DCLK2: variants seen among roughly 807,000 people sequenced by gnomAD.
DCLK2 encodes the protein doublecortin like kinase 2, also known as serine/threonine-protein kinase DCLK2.
A neutral mutation model predicts 78.4 loss-of-function variants in DCLK2; 31 were observed. That is an observed-to-expected ratio of 0.40 (90% CI 0.30 to 0.53). DCLK2 has a LOEUF of 0.53. Among genes scored for constraint, DCLK2 ranks in the 20% least tolerant of loss-of-function variants. DCLK2 has a pLI of 0.61. For synonymous variants in DCLK2, 407 were observed against 374.9 expected, an observed-to-expected ratio of 1.09 and a Z score of -0.99; for missense variants, 872 against 973.7, an observed-to-expected ratio of 0.90 and a Z score of 1.39.
At chr4:150,231,516 A>G (rs1742059122) in intron 8 of DCLK2, among the ~76,000 whole-genome samples, 1 of 152,234 alleles carries the variant, frequency 6.6e-6, no homozygotes, top group South Asian at 2.1e-4. Flanking sequence ...AAATACATGT[A>G]CACATGTTGA....
chr4:150,088,757 T>C (rs1241180361), intron 1 of DCLK2, among the ~76,000 whole-genome samples: 2 of 152,184 alleles, frequency 1.3e-5, no homozygotes, highest in Non-Finnish European at 2.9e-5. Flanking sequence ...CAGGTTGCAG[T>C]CAAAATGCAG....
intron 2 of DCLK2, among the ~76,000 whole-genome samples, chr4:150,128,135 T>C (rs567891952): frequency 2.2e-4 from 33 of 152,280 alleles, no homozygotes; most frequent in Non-Finnish European, 4.0e-4. Context: ...TGGGGTATGC[T>C]ACTGGCATTA....
chr4:150,133,004 A>G (rs571774199), intron 2 of DCLK2, among the ~76,000 whole-genome samples: 1 of 152,332 alleles, frequency 6.6e-6, no homozygotes, highest in East Asian at 1.9e-4. Context: ...GTTAATGTAT[A>G]CTGATGATTG....
chr4:150,105,582 G>A (rs1731196421), intron 2 of DCLK2, among the ~76,000 whole-genome samples: 1 of 152,028 alleles, frequency 6.6e-6, no homozygotes. Flanking sequence ...TAACTATACA[G>A]ATGTTCTTAC....
intron 2 of DCLK2, among the ~76,000 whole-genome samples, chr4:150,138,485 T>G (rs1007492792): frequency 6.6e-6 from 1 of 152,184 alleles, no homozygotes; most frequent in African/African-American, 2.4e-5. Flanking sequence ...GGTGCATGGC[T>G]GTAATCCCAG....
intron 10 of DCLK2, among the ~76,000 whole-genome samples, chr4:150,238,385 T>G (rs1325610637): frequency 6.6e-6 from 1 of 152,170 alleles, no homozygotes; most frequent in Non-Finnish European, 1.5e-5. Flanking sequence ...ATTCTGAGAT[T>G]AGCGTCCTTA....
intron 2 of DCLK2, among the ~76,000 whole-genome samples, chr4:150,178,832 C>T (rs1737279788): frequency 6.6e-6 from 1 of 152,164 alleles, no homozygotes; most frequent in African/African-American, 2.4e-5. Flanking sequence ...TTATTTTACA[C>T]TTAAGTTTCC....
chr4:150,207,100 G>A (rs745409268), intron 5 of DCLK2, among the ~76,000 whole-genome samples: 15 of 152,096 alleles, frequency 9.9e-5, no homozygotes, highest in African/African-American at 1.7e-4. Context: ...ATTGTTTTTC[G>A]TGGGCAGGAA....
intron 2 of DCLK2, among the ~76,000 whole-genome samples, chr4:150,151,957 C>G (rs755971906): frequency 2.0e-4 from 31 of 151,998 alleles, no homozygotes; most frequent in Non-Finnish European, 4.3e-4. Context: ...TTATGTGGCT[C>G]TGGTTAAAAT....
chr4:150,250,126 T>A (rs1743651369), intron 15 of DCLK2, among the ~76,000 whole-genome samples: 1 of 152,162 alleles, frequency 6.6e-6, no homozygotes, highest in African/African-American at 2.4e-5. Context: ...ATTTCAGTTT[T>A]AAAAAATCAG....
At chr4:150,127,255 A>G (rs1732984773) in intron 2 of DCLK2, among the ~76,000 whole-genome samples, 1 of 152,122 alleles carries the variant, frequency 6.6e-6, no homozygotes, top group African/African-American at 2.4e-5. Context: ...TTCTCATCAT[A>G]CTTTCACCCG....
chr4:150,136,979 C>CTTTTTTTTTT (rs35729685), intron 2 of DCLK2, among the ~76,000 whole-genome samples: 95 of 82,394 alleles, frequency 1.2e-3, no homozygotes, highest in Non-Finnish European at 1.4e-3. Flanking sequence ...TCTTCTTCTT[C>CTTTTTTTTTT]TTTTTTTTTT....
chr4:150,110,850 G>A (rs1046213818), intron 2 of DCLK2, among the ~76,000 whole-genome samples: 4 of 152,112 alleles, frequency 2.6e-5, no homozygotes, highest in Non-Finnish European at 4.4e-5. Context: ...ATTCCATGGT[G>A]TATATATACC....
At chr4:150,183,246 C>T (rs1251802481) in intron 2 of DCLK2, among the ~76,000 whole-genome samples, 2 of 152,116 alleles carry the variant, frequency 1.3e-5, no homozygotes, top group Non-Finnish European at 2.9e-5. Flanking sequence ...AATAAAATAG[C>T]CGTGGAAAAT....
chr4:150,193,933 G>A (rs1354807148), intron 3 of DCLK2, among the ~76,000 whole-genome samples: 1 of 151,036 alleles, frequency 6.6e-6, no homozygotes, highest in Non-Finnish European at 1.5e-5. Context: ...TAAATTTTTT[G>A]TAGAGACAGG....
Position 150,078,895 on chromosome 4 carries a change from C to T in DCLK2, c.-133C>T. ...CCGCGGCTCCTCGGCCCCACCTGCG[C>T]GGAGAGGGCGGGATGCCAGAGCCAG... On this transcript the variant is annotated 5_prime_UTR_variant, in exon 1 of 16. Transcript: ENST00000296550. 1 of 1,219,052 alleles carries T rather than the reference C, an allele frequency of 8.2e-7. No individual in the cohort carries two copies. The highest frequency in any genetic ancestry group is 3.0e-5 in the East Asian group (1 of 33,652). 75.5% of individuals were successfully genotyped at this position (1,219,052 alleles called of 1,614,324 possible). A position where few individuals can be genotyped will look rare whatever the true frequency, so the allele number is the denominator to read the frequency against.
At chr4:150,251,772 C>A (rs1168508849) in intron 15 of DCLK2, among the ~76,000 whole-genome samples, 3 of 141,002 alleles carry the variant, frequency 2.1e-5, no homozygotes, top group Non-Finnish European at 3.1e-5. Flanking sequence ...ACCCCACACA[C>A]CCCACGAGCA....
At chr4:150,230,699 A>G (rs962457880) in intron 8 of DCLK2, among the ~76,000 whole-genome samples, 2 of 152,158 alleles carry the variant, frequency 1.3e-5, no homozygotes, top group Non-Finnish European at 2.9e-5. Flanking sequence ...AGGGTTTGCC[A>G]AGTCTTTTGT....
intron 2 of DCLK2, among the ~76,000 whole-genome samples, chr4:150,114,208 T>C (rs1044477053): frequency 1.3e-5 from 2 of 152,192 alleles, no homozygotes; most frequent in Non-Finnish European, 2.9e-5. Flanking sequence ...ATTAGAAGAA[T>C]GTATATTCTG....
Sources: gnomAD v4.1 joint callset for allele counts (sites outside exome capture counted in the v4.1 genomes callset) on GRCh38, gnomAD v4.1.1 for gene constraint, MANE v1.5 for transcripts, NCBI Gene and HGNC (gene_info 2026-07-23, HGNC 2026-07-21) for gene names.